DNAH8: variants seen among roughly 807,000 people sequenced by gnomAD.
DNAH8 encodes the protein axonemal beta dynein heavy chain 8.
DNAH8 carries 382 observed loss-of-function variants against 562.1 expected under a neutral mutation model. The ratio of observed to expected loss-of-function variants is 0.68; its 90% CI spans 0.63 to 0.74. The LOEUF (loss-of-function observed/expected upper bound fraction) is 0.74, where lower values mean the gene tolerates loss of function less well. DNAH8 is among the 30% of genes least tolerant of loss of function. The pLI, the probability that DNAH8 is intolerant of heterozygous loss-of-function variation, is 0.00. For missense variants in DNAH8, 5,203 were observed against 5,620.4 expected (o/e 0.93, Z 2.37); for synonymous variants, 1,881 against 1,919.4 (o/e 0.98, Z 0.52).
At chr6:38,956,963 T>A (rs1206347936) in intron 82 of DNAH8, among the ~76,000 whole-genome samples, 1 of 152,188 alleles carries the variant, frequency 6.6e-6, no homozygotes, top group African/African-American at 2.4e-5. Context: ...TGTAAATGGA[T>A]TAAAATCTAC....
At chr6:38,879,948 C>T (rs6458083) in intron 53 of DNAH8, among the ~76,000 whole-genome samples, 66,017 of 152,016 alleles carry the variant, frequency 0.43, 15,264 homozygotes, top group East Asian at 0.84. Context: ...TAAAATAGAA[C>T]GCAAGGCTGG....
intron 88 of DNAH8, among the ~76,000 whole-genome samples, chr6:39,001,035 C>T (rs1314626480): frequency 6.6e-6 from 1 of 152,120 alleles, no homozygotes; most frequent in South Asian, 2.1e-4. Flanking sequence ...GGAATGCAAA[C>T]ATGAATGTGT....
intron 82 of DNAH8, chr6:38,953,206 A>G (rs1202342721): frequency 6.6e-6 from 1 of 152,186 alleles, no homozygotes; most frequent in Admixed American, 6.5e-5. Flanking sequence ...TGCTTTGGTC[A>G]TGCACTCCTT....
chr6:38,770,234 A>G (rs1767426047), intron 11 of DNAH8, among the ~76,000 whole-genome samples, 179 bp from the exon 12 acceptor site: 1 of 152,092 alleles, frequency 6.6e-6, no homozygotes, highest in Non-Finnish European at 1.5e-5. Flanking sequence ...GTTAAAGGAA[A>G]ACAATGAGGA....
At chr6:38,861,949 G>GTT (rs10677373) in intron 43 of DNAH8, among the ~76,000 whole-genome samples, 56 of 134,672 alleles carry the variant, frequency 4.2e-4, no homozygotes, top group South Asian at 7.1e-4. Flanking sequence ...TGAAAACCAG[G>GTT]TTTTTTTTTT....
At chr6:38,783,648 G>A (rs2127643671) in intron 17 of DNAH8, among the ~76,000 whole-genome samples, 1 of 152,264 alleles carries the variant, frequency 6.6e-6, no homozygotes, top group South Asian at 2.1e-4. Flanking sequence ...TCTGAGGGGA[G>A]GGCTTATGTG....
chr6:38,903,358 G>C (rs1246568889), intron 62 of DNAH8, among the ~76,000 whole-genome samples: 1 of 152,062 alleles, frequency 6.6e-6, no homozygotes, highest in Admixed American at 6.5e-5. Flanking sequence ...GCTGGAGTGA[G>C]AGAGTGAGGG....
intron 45 of DNAH8, 115 bp downstream of exon 45, chr6:38,864,175 T>A: frequency 1.1e-6 from 1 of 881,664 alleles, no homozygotes; most frequent in Non-Finnish European, 1.7e-6. Flanking sequence ...TAAGCTGTTC[T>A]CTCTTACCAT....
chr6:38,929,003 T>C (rs1782326887), intron 74 of DNAH8, among the ~76,000 whole-genome samples: 1 of 152,194 alleles, frequency 6.6e-6, no homozygotes, highest in Non-Finnish European at 1.5e-5. Flanking sequence ...TTACGGAAAG[T>C]GTTAAATTCT....
intron 8 of DNAH8, among the ~76,000 whole-genome samples, chr6:38,748,008 A>G (rs1486506858): frequency 2.0e-5 from 3 of 152,192 alleles, no homozygotes; most frequent in Non-Finnish European, 4.4e-5. Flanking sequence ...TGTTGCATGA[A>G]TGCACCACAA....
rs1342509606 is a variant in DNAH8, at chr6:38,872,588, G to T, written c.7043G>T (p.Gly2348Val). The change falls in exon 50 of 93, where the codon GGT (glycine) becomes GTT (valine). Residue 2348 changes from glycine (G) to valine (V), a missense_variant. Physicochemically the swap from Gly to Val is moderately radical, Grantham distance 109. Around this residue, in one of 6 missense-constraint regions of DNAH8, gnomAD observed 2,176 missense variants for 2,365.1 expected, o/e 0.92. Transcript: ENST00000327475. The part of the protein sequence containing the change: ...RHGLMTLGPS[G>V]SGKTTVITIL... ...GGCTTGATGACTCTTGGGCCCAGTG[G>T]TTCTGGAAAGACAACCGTTATCACG... 2.5e-6 allele frequency: 4 copies of T among 1,613,960 alleles called. No homozygotes were observed. The East Asian group carries it at 8.9e-5, about 36-fold the overall frequency.
chr6:38,874,068 T>TTCTTTTTTTTTC (rs377254876), intron 52 of DNAH8, among the ~76,000 whole-genome samples: 1 of 57,062 alleles, frequency 1.8e-5, no homozygotes, highest in African/African-American at 6.4e-5. Context: ...CTTTCTTTCT[T>TTCTTTTTTTTTC]TTTCTTTCTT....
In DNAH8 at chr6:38,734,481, T is replaced by A. The variant is rs1488680659; in HGVS notation, c.618T>A (p.Gly206=). 6.2e-7 allele frequency: 1 copy of A among 1,613,640 alleles called. No individual in the cohort carries two copies. Residue 206 remains glycine (G), a synonymous_variant, in exon 5 of 93, where the codon GGT becomes GGA. Transcript: ENST00000327475. ...CTTGACTTTTGTTTTCAGAATGTGGTCGAACTATTGCTGGAGCAACTAAAG... is the reference window on the plus strand; with the variant it reads ...CTTGACTTTTGTTTTCAGAATGTGGACGAACTATTGCTGGAGCAACTAAAG... ...QEGDVPGIEC[G]RTIAGATKGA...
At position 38,862,290 on chromosome 6, in the gene DNAH8, A is replaced by G. The variant is rs772890319; in HGVS notation, c.6142A>G (p.Thr2048Ala). 1.4e-5 allele frequency: 23 copies of G among 1,612,544 alleles called. No homozygotes were observed. In the African/African-American group the frequency reaches 2.8e-4, roughly 20 times the overall value. Residue 2048 changes from threonine (T) to alanine (A), a missense_variant, in exon 44 of 93, where the codon ACG becomes GCG. By Grantham distance (58) the Thr-to-Ala change is moderately conservative. This residue lies in a region of DNAH8 where 2,176 missense variants were observed against 2,365.1 expected (regional missense o/e 0.92). Transcript: ENST00000327475. ...ITPLTDRCYI[T>A]LAQALGMNMG... The stretch of plus-strand genomic sequence containing the variant: ...GATGAACATTTGCAGATGCTATATC[A>G]CGTTAGCTCAGGCCTTGGGCATGAA...
intron 88 of DNAH8, among the ~76,000 whole-genome samples, chr6:38,994,719 C>A (rs1175847338): frequency 4.8e-5 from 7 of 147,232 alleles, no homozygotes; most frequent in African/African-American, 1.8e-4. Flanking sequence ...ATGATCTCGG[C>A]TCACTGCAAC....
intron 60 of DNAH8, among the ~76,000 whole-genome samples, chr6:38,897,454 T>C (rs1280024854): frequency 2.6e-5 from 4 of 152,152 alleles, no homozygotes; most frequent in African/African-American, 9.7e-5. Flanking sequence ...CATAAAAGTA[T>C]TTCATTTAAC....
intron 11 of DNAH8, 88 bp downstream of exon 11, chr6:38,761,891 G>A: frequency 3.0e-6 from 2 of 677,158 alleles, no homozygotes; most frequent in South Asian, 2.3e-5. Context: ...TATGTTAACT[G>A]AAAAAACTTC....
chr6:38,752,211 T>G lies in DNAH8; in HGVS notation c.1407+1622T>G, dbSNP rs558711441. 1.1e-3 allele frequency among the ~76,000 whole-genome samples: 168 copies of G among 150,482 alleles called. 3 individuals are homozygous for G. The highest frequency in any genetic ancestry group is 9.1e-4 in the Non-Finnish European group (62 of 67,774). Reference sequence around the variant, plus strand: ...TGGAGTCTCTCTCTGTCACCCAGGCTGGAGTGCAGTGGTGCTATCTCTGCT... The same window carrying G: ...TGGAGTCTCTCTCTGTCACCCAGGCGGGAGTGCAGTGGTGCTATCTCTGCT... On this transcript the variant is annotated intron_variant, in intron 9 of 92. Coordinates refer to ENST00000327475, the MANE Select transcript of DNAH8 (RefSeq NM_001206927.2).
chr6:38,795,900 A>G (rs1770208738), intron 21 of DNAH8, among the ~76,000 whole-genome samples: 1 of 151,952 alleles, frequency 6.6e-6, no homozygotes, highest in Admixed American at 6.6e-5. Context: ...GGCTATTTGC[A>G]GTCAGGGCAG....
Sources: gnomAD v4.1 joint callset for allele counts (sites outside exome capture counted in the v4.1 genomes callset) on GRCh38, gnomAD v4.1.1 for gene constraint, gnomAD v4.1.1 regional missense constraint, MANE v1.5 for transcripts, NCBI Gene and HGNC (gene_info 2026-07-23, HGNC 2026-07-21) for gene names.